CAPN9: variants seen among roughly 807,000 people sequenced by gnomAD.
The protein encoded by CAPN9 is calpain 9, also known as calpain-9.
Under a neutral mutation model 92.8 loss-of-function variants are expected in CAPN9, and 81 were observed. That is an observed-to-expected ratio of 0.87 (90% confidence interval 0.73 to 1.05). The LOEUF is 1.05. CAPN9 is among the 50% of genes least tolerant of loss of function. The pLI, the probability that CAPN9 is intolerant of heterozygous loss-of-function variation, is 0.00. For synonymous variants in CAPN9, 304 were observed against 328.0 expected, an observed-to-expected ratio of 0.93 and a Z score of 0.79; for missense variants, 848 against 866.2, an observed-to-expected ratio of 0.98 and a Z score of 0.26.
At chr1:230,773,570 G>A (rs1038018100) in intron 7 of CAPN9, among the ~76,000 whole-genome samples, 2 of 152,176 alleles carry the variant, frequency 1.3e-5, no homozygotes, top group African/African-American at 4.8e-5. Flanking sequence ...AGGGGCAGGC[G>A]CCATCCCGAC....
chr1:230,763,821 T>C (rs1458794241), intron 4 of CAPN9, among the ~76,000 whole-genome samples: 1 of 152,236 alleles, frequency 6.6e-6, no homozygotes, highest in East Asian at 1.9e-4. Flanking sequence ...ATGCCCACGC[T>C]TGCCCTCTGT....
chr1:230,761,148 G>A (rs1409461259), intron 3 of CAPN9, among the ~76,000 whole-genome samples: 3 of 152,132 alleles, frequency 2.0e-5, no homozygotes, highest in Non-Finnish European at 2.9e-5. Flanking sequence ...GGGGTGGGGA[G>A]TGACCCTGTT....
intron 8 of CAPN9, among the ~76,000 whole-genome samples, chr1:230,775,096 C>G (rs1280219111): frequency 1.3e-5 from 2 of 152,068 alleles, no homozygotes; most frequent in African/African-American, 4.8e-5. Flanking sequence ...CTCATATACA[C>G]CCAGATTAGA....
chr1:230,800,064 GC>G (rs1668577015), intron 19 of CAPN9, among the ~76,000 whole-genome samples: 2 of 151,874 alleles, frequency 1.3e-5, no homozygotes, highest in South Asian at 4.2e-4. Flanking sequence ...TGTAGTCCCA[GC>G]TACTCGGGAG....
intron 1 of CAPN9, among the ~76,000 whole-genome samples, chr1:230,754,560 G>A (rs1665097820): frequency 6.6e-6 from 1 of 151,286 alleles, no homozygotes; most frequent in Non-Finnish European, 1.5e-5. Flanking sequence ...TCAATACCTT[G>A]GGAATCCAAG....
At chr1:230,755,441 G>A (rs1329723503) in intron 2 of CAPN9, 35 bp downstream of exon 2, 2 of 1,545,244 alleles carry the variant, frequency 1.3e-6, no homozygotes, top group Non-Finnish European at 8.8e-7. Flanking sequence ...GCGAGAGGGA[G>A]GTTGAGTCAC....
In CAPN9 at chr1:230,756,550, C is replaced by T. The variant is rs529178074; in HGVS notation, c.283+1144C>T. On this transcript the variant is annotated intron_variant, in intron 2 of 19. Coordinates refer to ENST00000271971, the MANE Select transcript of CAPN9 (RefSeq NM_006615.3). ...GTATAGATAGATGATGGATGATAGA[C>T]GGAATTACAGTTGACCCTTTAACAA... is the stretch of plus-strand genomic sequence containing the variant. Among the ~76,000 whole-genome samples the T allele has an allele frequency of 4.6e-5, 7 of 152,194 alleles. No individual in the cohort carries two copies. The East Asian group carries it at 5.8e-4, about 13-fold the overall frequency.
intron 12 of CAPN9, 120 bp downstream of exon 12, chr1:230,786,137 A>G: frequency 6.3e-7 from 1 of 1,588,506 alleles, no homozygotes; most frequent in Non-Finnish European, 8.6e-7. Context: ...GCAATCAAGT[A>G]AGCATCTATG....
chr1:230,766,209 C>T (rs1296825363), intron 4 of CAPN9, among the ~76,000 whole-genome samples: 1 of 152,164 alleles, frequency 6.6e-6, no homozygotes, highest in African/African-American at 2.4e-5. Flanking sequence ...GATTCTCCTG[C>T]CTCAGCCTCC....
At chr1:230,749,613 C>G (rs1174184533) in intron 1 of CAPN9, among the ~76,000 whole-genome samples, 1 of 152,184 alleles carries the variant, frequency 6.6e-6, no homozygotes, top group Admixed American at 6.5e-5. Flanking sequence ...GAAGCAGCGG[C>G]TCTTTCTGTT....
chr1:230,775,461 A>C (rs1666694544), intron 8 of CAPN9, among the ~76,000 whole-genome samples: 1 of 152,140 alleles, frequency 6.6e-6, no homozygotes, highest in Non-Finnish European at 1.5e-5. Context: ...TTGGGCCTTC[A>C]TCTCTAGAAT....
chr1:230,779,184 A>T (rs1436107256), intron 9 of CAPN9, 51 bp downstream of exon 9: 1 of 1,561,650 alleles, frequency 6.4e-7, no homozygotes, highest in Admixed American at 1.7e-5. Context: ...GTCCCTTCCA[A>T]CTCAGGACAC....
intron 14 of CAPN9, among the ~76,000 whole-genome samples, chr1:230,790,522 C>T (rs1224011241): frequency 6.6e-6 from 1 of 152,144 alleles, no homozygotes; most frequent in Non-Finnish European, 1.5e-5. Flanking sequence ...AATGTTTCAT[C>T]ACTCCAACAA....
intron 19 of CAPN9, among the ~76,000 whole-genome samples, chr1:230,798,751 C>G (rs887555200): frequency 6.6e-6 from 1 of 152,220 alleles, no homozygotes; most frequent in Non-Finnish European, 1.5e-5. Flanking sequence ...ATCACCCTCT[C>G]CCCAGAGGAT....
At position 230,801,658 on chromosome 1, in the gene CAPN9, G is replaced by A; in HGVS notation, c.*62G>A. ...CTTGGCTTCTGGACCTTGACCTTCAGAACTTCTCTTGGTGTGGAACCATTA... is the reference window on the plus strand; with the variant it reads ...CTTGGCTTCTGGACCTTGACCTTCAAAACTTCTCTTGGTGTGGAACCATTA... On this transcript the variant is annotated 3_prime_UTR_variant, in exon 20 of 20. Transcript: ENST00000271971. 3 of 1,485,398 alleles carry A rather than the reference G, an allele frequency of 2.0e-6. No homozygotes were observed. Among genetic ancestry groups the A allele is most frequent in the Non-Finnish European group, 9.4e-7 (1 of 1,062,686 alleles). 92.0% of individuals were successfully genotyped at this position (1,485,398 alleles called of 1,614,324 possible). A position where few individuals can be genotyped will look rare whatever the true frequency, so the allele number is the denominator to read the frequency against.
chr1:230,764,259 A>G (rs1665825444), intron 4 of CAPN9, among the ~76,000 whole-genome samples: 1 of 152,238 alleles, frequency 6.6e-6, no homozygotes, highest in African/African-American at 2.4e-5. Context: ...AGCATTATTC[A>G]GTTTGCTAAA....
In CAPN9 at chr1:230,755,387, T is replaced by C; in HGVS notation, c.264T>C (p.Asp88=). The part of the protein sequence containing the change: ...EFILGGATRT[D]ICQGELGDCW... ...TTCTTGGAGGGGCCACCAGGACTGATATCTGCCAGGGAGAGCTGGGTGAGT... is the reference window on the plus strand; with the variant it reads ...TTCTTGGAGGGGCCACCAGGACTGACATCTGCCAGGGAGAGCTGGGTGAGT... Residue 88 remains aspartate (D), a synonymous_variant, in exon 2 of 20, where the codon GAT becomes GAC. Coordinates refer to ENST00000271971, the MANE Select transcript of CAPN9 (RefSeq NM_006615.3). 6.2e-7 allele frequency: 1 copy of C among 1,608,402 alleles called. No individual in the cohort carries two copies.
chr1:230,797,195 C>A, intron 18 of CAPN9, among the ~76,000 whole-genome samples: 1 of 152,158 alleles, frequency 6.6e-6, no homozygotes, highest in East Asian at 1.9e-4. Flanking sequence ...TGTTTCCAGA[C>A]CTTTACACCC....
chr1:230,758,950 C>A (rs981402096), intron 2 of CAPN9, among the ~76,000 whole-genome samples: 1 of 152,300 alleles, frequency 6.6e-6, no homozygotes, highest in Admixed American at 6.5e-5. Flanking sequence ...TAGTTTTCCT[C>A]CAGATGTGTG....
Sources: allele counts gnomAD v4.1 joint callset (sites outside exome capture counted in the v4.1 genomes callset), GRCh38; gene constraint gnomAD v4.1.1; transcripts MANE v1.5; gene names NCBI Gene and HGNC (gene_info 2026-07-23, HGNC 2026-07-21).